PFKFB2: variants seen among roughly 807,000 people sequenced by gnomAD.
PFKFB2 encodes the protein 6-phosphofructo-2-kinase/fructose-2,6-bisphosphatase 2.
In PFKFB2, 53 loss-of-function variants were observed where a neutral mutation model predicts 68.0. That is an observed-to-expected ratio of 0.78 (90% confidence interval 0.63 to 0.98). PFKFB2 has a LOEUF of 0.98. Among genes scored for constraint, PFKFB2 ranks in the 50% least tolerant of loss-of-function variants. The pLI is 0.00. For synonymous variants in PFKFB2, 222 were observed against 227.6 expected (o/e 0.98, Z 0.22); for missense variants, 451 against 642.0 (o/e 0.70, Z 3.22).
rs1683448159 is a variant in PFKFB2 at position 207,070,962 on chromosome 1, G to A, written c.1223-226G>A. 6.6e-6 allele frequency among the ~76,000 whole-genome samples: 1 copy of A among 152,078 alleles called. No individual in the cohort carries two copies. Among genetic ancestry groups the A allele is most frequent in the Non-Finnish European group, 1.5e-5 (1 of 67,990 alleles). The stretch of plus-strand genomic sequence containing the variant: ...GGGCTCTCTGGCTACAATACTTCCT[G>A]TTTTTGCCTGCGTGGAAGGATCTAA... On this transcript the variant is annotated intron_variant, in intron 12 of 14. Coordinates refer to ENST00000367080, the MANE Select transcript of PFKFB2 (RefSeq NM_006212.2). This position sits in a 1 kb window ranked among gnomAD's most constrained non-coding sequence, Gnocchi z 4.2.
chr1:207,065,149 C>G lies in PFKFB2; in HGVS notation c.621C>G (p.Asp207Glu). 1 of 1,613,824 alleles carries G rather than the reference C, an allele frequency of 6.2e-7. No individual in the cohort carries two copies. Among genetic ancestry groups the G allele is most frequent in the Non-Finnish European group, 8.5e-7 (1 of 1,179,878 alleles). ...TTACCTACCGACCTCTTGACCCAGA[C>G]AACTATGACAAGTAAGGTTTAAGGC... is the stretch of plus-strand genomic sequence containing the variant. ...YKVTYRPLDP[D>E]NYDKDLSFIK... Residue 207 changes from aspartate (D) to glutamate (E), a missense_variant, in exon 8 of 15, where the codon GAC becomes GAG. Asp to Glu is a conservative substitution (Grantham distance 45). Coordinates refer to ENST00000367080, the MANE Select transcript of PFKFB2 (RefSeq NM_006212.2).
chr1:207,063,883 TGTG>T lies in PFKFB2; in HGVS notation c.507+56_507+58del, dbSNP rs913566788. 2.4e-5 allele frequency: 20 copies of T among 843,526 alleles called. No individual in the cohort carries two copies. The highest frequency in any genetic ancestry group is 4.7e-5 in the African/African-American group (2 of 42,662). The allele number at this position is 843,526 out of a possible 1,614,324, so 52.3% of individuals were successfully genotyped here. A position where few individuals can be genotyped will look rare whatever the true frequency, so the allele number is the denominator to read the frequency against. On this transcript the variant is annotated intron_variant, in intron 7 of 14. Transcript: ENST00000367080. This position sits in a 1 kb window ranked among gnomAD's most constrained non-coding sequence, Gnocchi z 4.1. Reference sequence around the variant, plus strand: ...TCTTCACCTTTTGTGCTGTGTGTGTTGTGGGGTGTGTGTGTGTGTGTGTGTGTG... The same window carrying T: ...TCTTCACCTTTTGTGCTGTGTGTGTTGGGTGTGTGTGTGTGTGTGTGTGTG...
intron 14 of PFKFB2, 93 bp from the exon 15 acceptor site, chr1:207,072,111 G>A: frequency 6.5e-7 from 1 of 1,541,644 alleles, no homozygotes; most frequent in Non-Finnish European, 8.7e-7. Context: ...AGGAGTGAGG[G>A]AAGCTGTTGT....
At chr1:207,071,692 C>G (rs982968031) in intron 14 of PFKFB2, 119 bp downstream of exon 14, 1 of 729,700 alleles carries the variant, frequency 1.4e-6, no homozygotes, top group Admixed American at 2.6e-5. Flanking sequence ...TCAGAACTTA[C>G]GTCCAAATGT....
In PFKFB2 at chr1:207,062,477, C is replaced by G. The variant is rs767945371; in HGVS notation, c.212-143C>G. The G allele has an allele frequency of 5.3e-6, 7 of 1,314,948 alleles. No homozygotes were observed. The East Asian group carries it at 1.6e-4, about 30-fold the overall frequency. 81.5% of individuals were successfully genotyped at this position (1,314,948 alleles called of 1,614,324 possible). ...GGGCTTGAACCCAACTCTTTTGACT[C>G]TTAATCTGATATTGTTCCCAACCTA... On this transcript the variant is annotated intron_variant, in intron 3 of 14. Coordinates refer to ENST00000367080, the MANE Select transcript of PFKFB2 (RefSeq NM_006212.2).
Position 207,072,332 on chromosome 1 carries a change from C to T in PFKFB2, c.1479C>T (p.Ser493=). 1 of 1,614,128 alleles carries T rather than the reference C, an allele frequency of 6.2e-7. No homozygotes were observed. ...SVGSRPLKPL[S]PLRAQDMQEG... Reference sequence around the variant, plus strand: ...GGAGCCGGCCCCTCAAGCCCCTCAGCCCTCTCCGTGCCCAGGACATGCAAG... The same window carrying T: ...GGAGCCGGCCCCTCAAGCCCCTCAGTCCTCTCCGTGCCCAGGACATGCAAG... Residue 493 remains serine, a synonymous_variant, in exon 15 of 15, where the codon AGC becomes AGT. Transcript: ENST00000367080.
At position 207,042,549 on chromosome 1, in the gene PFKFB2, CAAAAAAAAAAAAAA is replaced by C. The variant is rs57077682; in HGVS notation, c.-18+356_-18+369del. 8.7e-3 allele frequency among the ~76,000 whole-genome samples: 391 copies of C among 44,734 alleles called. 5 individuals are homozygous for C. The highest frequency in any genetic ancestry group is 0.022 in the African/African-American group (302 of 13,484). 29.3% of individuals were successfully genotyped at this position (44,734 alleles called of 152,430 possible). ...GGCGACACAGCAACACTCTGTCTCACAAAAAAAAAAAAAAAAAAAAAAAAAAAAAAAAGACTATT... is the reference window on the plus strand; with the variant it reads ...GGCGACACAGCAACACTCTGTCTCACAAAAAAAAAAAAAAAAAAGACTATT... On this transcript the variant is annotated intron_variant, in intron 2 of 5. Coordinates refer to the PFKFB2 transcript ENST00000545806.
At chr1:207,079,888 T>TG (rs1440474769), downstream of PFKFB2, 2 of 152,132 alleles carry the variant, frequency 1.3e-5, no homozygotes, top group African/African-American at 4.8e-5. Context: ...TCAGAACAGG[T>TG]GGAAGGAGAC....
chr1:207,049,629 CAA>C (rs942688765), upstream of PFKFB2: 16 of 1,614,038 alleles, frequency 9.9e-6, no homozygotes, highest in Non-Finnish European at 1.3e-5. Flanking sequence ...TAAGCACAGG[CAA>C]AGTTTCCCTG....
At chr1:207,072,061 A>G in intron 14 of PFKFB2, 143 bp from the exon 15 acceptor site, 2 of 1,422,174 alleles carry the variant, frequency 1.4e-6, no homozygotes, top group South Asian at 1.5e-5. Context: ...AGGCCAGGCC[A>G]TGGGCCATGC....
At chr1:207,047,209 G>T (rs1682621266) in intron 2 of PFKFB2, 1 of 152,426 alleles carries the variant, frequency 6.6e-6, no homozygotes, top group South Asian at 2.1e-4. Flanking sequence ...TATTTTTAAG[G>T]CTCAGTAAAA....
intron 3 of PFKFB2, 52 bp from the exon 4 acceptor site, chr1:207,062,568 G>A: frequency 6.3e-7 from 1 of 1,593,816 alleles, no homozygotes; most frequent in Non-Finnish European, 8.5e-7. Context: ...AGTCCCATTT[G>A]GTGGGGCCAT....
chr1:207,035,216 T>G, intron 1 of PFKFB2: 1 of 985,638 alleles, frequency 1.0e-6, no homozygotes, highest in Non-Finnish European at 1.2e-6. Context: ...GTCATCTCTT[T>G]GACTGTCAGA....
downstream of PFKFB2, chr1:207,079,186 T>A: frequency 6.2e-6 from 4 of 647,120 alleles, no homozygotes; most frequent in Non-Finnish European, 8.3e-6. Flanking sequence ...CCCTCCTGCC[T>A]AATGGGAATA....
In PFKFB2 at chr1:207,063,888, GGTGT is replaced by G. The variant is rs57138984; in HGVS notation, c.507+84_507+87del. 2.2e-3 allele frequency: 2,219 copies of G among 1,006,584 alleles called. 1 individual carries two copies. The highest frequency in any genetic ancestry group is 7.2e-3 in the Admixed American group (402 of 55,762). The allele number at this position is 1,006,584 out of a possible 1,614,324, so 62.4% of individuals were successfully genotyped here. A position where few individuals can be genotyped will look rare whatever the true frequency, so the allele number is the denominator to read the frequency against. On this transcript the variant is annotated intron_variant, in intron 7 of 14. Transcript: ENST00000367080. This position sits in a 1 kb window ranked among gnomAD's most constrained non-coding sequence, Gnocchi z 4.1. ...ACCTTTTGTGCTGTGTGTGTTGTGG[GGTGT>G]GTGTGTGTGTGTGTGTGTGTGTGTT... is the stretch of plus-strand genomic sequence containing the variant.
At chr1:207,041,387 C>A (rs114159306) in intron 1 of PFKFB2, among the ~76,000 whole-genome samples, 46 of 152,190 alleles carry the variant, frequency 3.0e-4, no homozygotes, top group Non-Finnish European at 5.6e-4. Flanking sequence ...TCCTCTTACA[C>A]CCCACCCCAC....
Position 207,072,637 on chromosome 1 carries a change from T to C in PFKFB2, c.*266T>C. ...GGACAGATTCTCAGATGGGATGATC[T>C]GGAGGAGGAGGAAAAAGATACACTC... On this transcript the variant is annotated 3_prime_UTR_variant, in exon 15 of 15. Coordinates refer to ENST00000367080, the MANE Select transcript of PFKFB2 (RefSeq NM_006212.2). 8.2e-7 allele frequency: 1 copy of C among 1,224,492 alleles called. No homozygotes were observed. Among genetic ancestry groups the C allele is most frequent in the Non-Finnish European group, 1.0e-6 (1 of 978,472 alleles). 75.9% of individuals were successfully genotyped at this position (1,224,492 alleles called of 1,614,324 possible). A position where few individuals can be genotyped will look rare whatever the true frequency, so the allele number is the denominator to read the frequency against.
At chr1:207,062,760 G>A (rs1683155445) in intron 4 of PFKFB2, 44 bp downstream of exon 4, 1 of 1,576,968 alleles carries the variant, frequency 6.3e-7, no homozygotes, top group South Asian at 1.1e-5. Context: ...GCTCTTTCTT[G>A]GCCGTCATGA....
At chr1:207,067,788 C>G in intron 9 of PFKFB2, 82 bp downstream of exon 9, 4 of 1,163,526 alleles carry the variant, frequency 3.4e-6, no homozygotes, top group Non-Finnish European at 5.0e-6. Context: ...TATCTCCTTA[C>G]TTAAATCCCA....
Sources: allele counts gnomAD v4.1 joint callset (sites outside exome capture counted in the v4.1 genomes callset), GRCh38; gene constraint gnomAD v4.1.1; non-coding constraint Gnocchi (gnomAD v3.1); transcripts MANE v1.5; gene names NCBI Gene and HGNC (gene_info 2026-07-23, HGNC 2026-07-21).